Variants in CDHR3 observed in about 807,000 individuals in gnomAD.
CDHR3 encodes cadherin related family member 3.
Under a neutral mutation model 86.6 loss-of-function variants are expected in CDHR3, and 79 were observed. That is an observed-to-expected ratio of 0.91 (90% confidence interval 0.76 to 1.10). The LOEUF (loss-of-function observed/expected upper bound fraction) is 1.10. CDHR3 is among the 50% of genes least tolerant of loss of function. The pLI, the probability that CDHR3 is intolerant of heterozygous loss-of-function variation, is 0.00. For missense variants in CDHR3, 1,081 were observed against 1,077.6 expected (o/e 1.00, Z -0.04); for synonymous variants, 421 against 402.4 (o/e 1.05, Z -0.55).
chr7:106,012,847 G>A lies in CDHR3; in HGVS notation c.1053-13G>A. On this transcript the variant is annotated splice_polypyrimidine_tract_variant and intron_variant, in intron 8 of 18. Coordinates refer to ENST00000317716, the MANE Select transcript of CDHR3 (RefSeq NM_152750.5). Reference sequence around the variant, plus strand: ...TTTATTGGGGGAAATACTGGATTGTGTCTTTTCACCAGCATTATGGTGCCG... The same window carrying A: ...TTTATTGGGGGAAATACTGGATTGTATCTTTTCACCAGCATTATGGTGCCG... 6.3e-7 allele frequency: 1 copy of A among 1,589,168 alleles called. No homozygotes were observed. Among genetic ancestry groups the A allele is most frequent in the East Asian group, 2.2e-5 (1 of 44,500 alleles).
chr7:106,007,569 C>T (rs560322851), intron 8 of CDHR3, among the ~76,000 whole-genome samples: 6 of 152,280 alleles, frequency 3.9e-5, no homozygotes, highest in Admixed American at 3.9e-4. Context: ...AAAATGCCAC[C>T]AGTCTCTTTG....
chr7:105,975,223 A>C (rs1293659906), intron 2 of CDHR3, among the ~76,000 whole-genome samples, 177 bp downstream of exon 2: 2 of 152,184 alleles, frequency 1.3e-5, no homozygotes, highest in Non-Finnish European at 2.9e-5. Context: ...ATGCTCGTGT[A>C]GCCTTTGGAC....
At chr7:106,015,527 T>A (rs769398797) in intron 10 of CDHR3, among the ~76,000 whole-genome samples, 4 of 152,208 alleles carry the variant, frequency 2.6e-5, no homozygotes, top group Non-Finnish European at 5.9e-5. Context: ...CTTCACCTCC[T>A]GTCACTTGCT....
At chr7:105,994,368 T>C (rs1028440021) in intron 4 of CDHR3, among the ~76,000 whole-genome samples, 3 of 152,058 alleles carry the variant, frequency 2.0e-5, no homozygotes, top group African/African-American at 7.2e-5. Context: ...TACACTGTAT[T>C]TAAATACAGT....
chr7:106,012,179 G>C (rs1187826007), intron 8 of CDHR3, among the ~76,000 whole-genome samples: 3 of 152,026 alleles, frequency 2.0e-5, no homozygotes, highest in African/African-American at 4.8e-5. Flanking sequence ...TGCCCTCATA[G>C]AGTTTACTTT....
intron 1 of CDHR3, among the ~76,000 whole-genome samples, chr7:105,967,922 G>T (rs1242176336): frequency 6.6e-6 from 1 of 152,100 alleles, no homozygotes; most frequent in Non-Finnish European, 1.5e-5. Context: ...TGACTCTGAT[G>T]GTAGTTTCTT....
At chr7:106,025,706 G>A (rs750724343) in intron 15 of CDHR3, among the ~76,000 whole-genome samples, 5 of 152,194 alleles carry the variant, frequency 3.3e-5, no homozygotes, top group Non-Finnish European at 7.3e-5. Context: ...ATGAAAGACT[G>A]TATAAAAGTA....
rs1276443094 is a variant in CDHR3 at position 106,020,493 on chromosome 7, T to C, written c.1774T>C (p.Cys592Arg). ...AAATATTCAGAATTTCAAGCTGACA[T>C]GTACCGACCTTGATTCCAGCCCCAG... ...GTNIQNFKLT[C>R]TDLDSSPRSF... The change falls in exon 13 of 19, where the codon TGT (cysteine) becomes CGT (arginine). Residue 592 changes from cysteine to arginine, a missense_variant. Cys to Arg is a radical substitution (Grantham distance 180). Coordinates refer to ENST00000317716, the MANE Select transcript of CDHR3 (RefSeq NM_152750.5). 6 of 1,614,008 alleles carry C rather than the reference T, an allele frequency of 3.7e-6. No homozygotes were observed. In the South Asian group the frequency reaches 6.6e-5, roughly 18 times the overall value.
rs1210035835 is a variant in CDHR3 at position 106,035,818 on chromosome 7, T to TA, written c.*3122dup. On this transcript the variant is annotated 3_prime_UTR_variant, in exon 19 of 19. Transcript: ENST00000317716. ...AACCAATCAGAGGCTAAGGTGAAGT[T>TA]ACAACGTTGCAACGAAGACTCGGCT... 1.3e-5 allele frequency: 2 copies of TA among 152,126 alleles called. No homozygotes were observed. Among genetic ancestry groups the TA allele is most frequent in the South Asian group, 2.1e-4 (1 of 4,816 alleles). 9.4% of individuals were successfully genotyped at this position (152,126 alleles called of 1,614,324 possible).
intron 10 of CDHR3, 107 bp downstream of exon 10, chr7:106,015,320 C>A: frequency 1.1e-6 from 1 of 934,010 alleles, no homozygotes; most frequent in Non-Finnish European, 1.6e-6. Flanking sequence ...CTCACTAGTA[C>A]TGCCCTCATG....
At chr7:105,982,486 A>G (rs1462708483) in intron 3 of CDHR3, among the ~76,000 whole-genome samples, 17 of 149,640 alleles carry the variant, frequency 1.1e-4, no homozygotes, top group African/African-American at 3.2e-4. Flanking sequence ...AAAAAGAAAA[A>G]AAAAAAAAAG....
chr7:106,027,162 C>T (rs1328789809), intron 16 of CDHR3, among the ~76,000 whole-genome samples: 1 of 152,004 alleles, frequency 6.6e-6, no homozygotes. Context: ...TTTGAGAGGA[C>T]GAGGTGGGTG....
chr7:105,990,361 T>A (rs1025113848), intron 4 of CDHR3, among the ~76,000 whole-genome samples: 4 of 152,220 alleles, frequency 2.6e-5, no homozygotes, highest in African/African-American at 4.8e-5. Context: ...TGGGTAGTTT[T>A]TTAACGATAG....
rs1261199092 is a variant in CDHR3 at position 106,032,712 on chromosome 7, G to A, written c.*15G>A. On this transcript the variant is annotated 3_prime_UTR_variant, in exon 19 of 19. Coordinates refer to ENST00000317716, the MANE Select transcript of CDHR3 (RefSeq NM_152750.5). Reference sequence around the variant, plus strand: ...CAGGAAAGTAAACGGGGTCTAAGGAGGGGCCTGTCAATCACTGAGATGCTG... The same window carrying A: ...CAGGAAAGTAAACGGGGTCTAAGGAAGGGCCTGTCAATCACTGAGATGCTG... The A allele has an allele frequency of 6.3e-7, 1 of 1,598,506 alleles. No homozygotes were observed. Among genetic ancestry groups the A allele is most frequent in the African/African-American group, 1.3e-5 (1 of 74,682 alleles).
chr7:106,020,934 C>G (rs1435532504), intron 13 of CDHR3, among the ~76,000 whole-genome samples: 1 of 152,158 alleles, frequency 6.6e-6, no homozygotes, highest in Admixed American at 6.5e-5. Context: ...AAAGGGTGAA[C>G]CCCCCAATTC....
At chr7:105,974,785 C>G in intron 1 of CDHR3, 59 bp from the exon 2 acceptor site, 1 of 1,400,298 alleles carries the variant, frequency 7.1e-7, no homozygotes, top group Non-Finnish European at 1.0e-6. Flanking sequence ...GCTGTTAAGT[C>G]CCTGTTCCCA....
At chr7:106,003,108 T>C (rs1462826752) in intron 7 of CDHR3, among the ~76,000 whole-genome samples, 3 of 134,642 alleles carry the variant, frequency 2.2e-5, no homozygotes, top group South Asian at 2.3e-4. Context: ...TACTCCAGCC[T>C]GGGTGACAGA....
intron 4 of CDHR3, among the ~76,000 whole-genome samples, chr7:105,987,367 C>T (rs999792511): frequency 2.6e-5 from 4 of 152,188 alleles, no homozygotes; most frequent in Non-Finnish European, 5.9e-5. Flanking sequence ...AGAAAGTCAA[C>T]AGCCAGCCTG....
Position 106,034,328 on chromosome 7 carries a change from G to A in CDHR3, c.*1631G>A, listed in dbSNP as rs573926522. On this transcript the variant is annotated 3_prime_UTR_variant, in exon 19 of 19. Transcript: ENST00000317716. Reference sequence around the variant, plus strand: ...GTAACCCTAAGAAAGGTCCAGGTGAGTGTTCATTAGGGAAGCACTCCCTTC... The same window carrying A: ...GTAACCCTAAGAAAGGTCCAGGTGAATGTTCATTAGGGAAGCACTCCCTTC... Among the ~76,000 whole-genome samples the A allele has an allele frequency of 1.1e-3, 162 of 152,346 alleles. 1 individual carries two copies. Among genetic ancestry groups the A allele is most frequent in the African/African-American group, 3.8e-3 (156 of 41,574 alleles).
Sources: gnomAD v4.1 joint callset for allele counts (sites outside exome capture counted in the v4.1 genomes callset) on GRCh38, gnomAD v4.1.1 for gene constraint, MANE v1.5 for transcripts, NCBI Gene and HGNC (gene_info 2026-07-23, HGNC 2026-07-21) for gene names.